Variants in ASCC3 observed in about 807,000 individuals in gnomAD.
ASCC3 encodes activating signal cointegrator 1 complex subunit 3.
ASCC3 carries 158 observed loss-of-function variants against 256.3 expected under a neutral mutation model. The observed-to-expected ratio is 0.62, with a 90% CI of 0.54 to 0.70. The LOEUF (loss-of-function observed/expected upper bound fraction) is 0.70, where lower values mean the gene tolerates loss of function less well. ASCC3 is among the 30% of genes least tolerant of loss of function. The pLI, the probability that ASCC3 is intolerant of heterozygous loss-of-function variation, is 0.00. For missense variants in ASCC3, 2,259 were observed against 2,626.0 expected (o/e 0.86, Z 3.05); for synonymous variants, 948 against 883.4 (o/e 1.07, Z -1.30).
intron 10 of ASCC3, among the ~76,000 whole-genome samples, chr6:100,729,788 TTTC>T (rs1396355632): frequency 6.6e-6 from 1 of 152,210 alleles, no homozygotes; most frequent in African/African-American, 2.4e-5. Context: ...AAAAGTATAC[TTTC>T]TTGTCTTTAT....
chr6:100,801,933 G>A (rs1176684683), intron 5 of ASCC3, among the ~76,000 whole-genome samples: 1 of 148,500 alleles, frequency 6.7e-6, no homozygotes, highest in Non-Finnish European at 1.5e-5. Flanking sequence ...GATTTTAAGC[G>A]TAAAACTGTA....
intron 8 of ASCC3, among the ~76,000 whole-genome samples, chr6:100,784,099 T>C (rs1401254273): frequency 6.6e-6 from 1 of 152,184 alleles, no homozygotes; most frequent in Non-Finnish European, 1.5e-5. Flanking sequence ...CTTATTAATT[T>C]CATTACTTTA....
intron 4 of ASCC3, among the ~76,000 whole-genome samples, chr6:100,825,866 T>C (rs1186339436): frequency 6.6e-6 from 1 of 151,900 alleles, no homozygotes; most frequent in Non-Finnish European, 1.5e-5. Flanking sequence ...CTTCAATCTC[T>C]GATATTCTTT....
At chr6:100,587,937 T>C (rs1361587479) in intron 36 of ASCC3, among the ~76,000 whole-genome samples, 2 of 152,176 alleles carry the variant, frequency 1.3e-5, no homozygotes, top group Non-Finnish European at 2.9e-5. Flanking sequence ...CAGAATGTAG[T>C]AGGCATATGA....
At chr6:100,777,772 A>G (rs1782259792) in intron 8 of ASCC3, among the ~76,000 whole-genome samples, 1 of 152,152 alleles carries the variant, frequency 6.6e-6, no homozygotes, top group Non-Finnish European at 1.5e-5. Context: ...GCTGAGTAAG[A>G]GGTCACACAT....
intron 30 of ASCC3, among the ~76,000 whole-genome samples, chr6:100,613,945 T>C (rs1773534666): frequency 6.6e-6 from 1 of 152,188 alleles, no homozygotes. Context: ...CTTGGCCATT[T>C]GTATGTCTTC....
chr6:100,758,375 C>A (rs1486057485), intron 10 of ASCC3, among the ~76,000 whole-genome samples: 2 of 152,156 alleles, frequency 1.3e-5, no homozygotes, highest in African/African-American at 2.4e-5. Context: ...CCCTCACCCC[C>A]CAAACCCCAA....
Position 100,725,716 on chromosome 6 carries a change from A to G in ASCC3, c.1738-13T>C, listed in dbSNP as rs754181270. ...TGGTCACAAGCATCTATAAGAGAAG[A>G]CACATTTTAAAAGGGGAAAGTTACA... On this transcript the variant is annotated splice_polypyrimidine_tract_variant and intron_variant, in intron 10 of 41. Coordinates refer to ENST00000369162, the MANE Select transcript of ASCC3 (RefSeq NM_006828.4). 24 of 1,611,870 alleles carry G rather than the reference A, an allele frequency of 1.5e-5. No individual in the cohort carries two copies. Among genetic ancestry groups the G allele is most frequent in the Non-Finnish European group, 2.0e-5 (23 of 1,178,572 alleles).
chr6:100,585,265 G>A (rs1443557391), intron 36 of ASCC3, among the ~76,000 whole-genome samples: 2 of 152,158 alleles, frequency 1.3e-5, no homozygotes, highest in East Asian at 3.8e-4. Flanking sequence ...ATTTCTTGGA[G>A]GCTTTGTTCG....
At chr6:100,531,098 C>A in intron 37 of ASCC3, 1 of 1,218,502 alleles carries the variant, frequency 8.2e-7, no homozygotes, top group East Asian at 2.3e-5. Context: ...ACAATAAATA[C>A]AACAGAAAAT....
At chr6:100,685,611 C>G (rs999530495) in intron 13 of ASCC3, among the ~76,000 whole-genome samples, 1 of 152,130 alleles carries the variant, frequency 6.6e-6, no homozygotes, top group Non-Finnish European at 1.5e-5. Context: ...TTAGCTTTTC[C>G]TCTGTGCATT....
At chr6:100,783,026 T>C (rs1329186540) in intron 8 of ASCC3, among the ~76,000 whole-genome samples, 1 of 151,234 alleles carries the variant, frequency 6.6e-6, no homozygotes, top group Non-Finnish European at 1.5e-5. Flanking sequence ...AAAAAAGAAA[T>C]ATGACTGACA....
intron 29 of ASCC3, among the ~76,000 whole-genome samples, chr6:100,626,866 G>C (rs774626697): frequency 2.6e-5 from 4 of 152,078 alleles, no homozygotes; most frequent in Non-Finnish European, 5.9e-5. Context: ...TGGCTGAACA[G>C]CTCACGGCAG....
chr6:100,516,036 A>G, intron 39 of ASCC3, 144 bp downstream of exon 39: 1 of 990,352 alleles, frequency 1.0e-6, no homozygotes, highest in Non-Finnish European at 1.6e-6. Context: ...CTATGTTTTC[A>G]TGTTCATAAT....
intron 36 of ASCC3, among the ~76,000 whole-genome samples, chr6:100,578,608 T>A (rs540663442): frequency 6.6e-6 from 1 of 152,266 alleles, no homozygotes; most frequent in South Asian, 2.1e-4. Context: ...TTCTTTTTTT[T>A]ATGGCTGCAT....
intron 37 of ASCC3, among the ~76,000 whole-genome samples, chr6:100,523,380 T>C (rs901372564): frequency 6.6e-6 from 1 of 152,166 alleles, no homozygotes; most frequent in Non-Finnish European, 1.5e-5. Context: ...CCAGGTGGAC[T>C]GTAATATCCT....
chr6:100,848,331 C>T lies in ASCC3; in HGVS notation c.618G>A (p.Glu206=). ...YKKFLNEHLQ[E]ACTPELKPVE... ...CAGGCTTGAGTTCTGGGGTGCAAGC[C>T]TCCTGGAGATGTTCATTCAGAAACT... The change falls in exon 4 of 42, where the codon GAG becomes GAA. Residue 206 remains glutamate (E), a synonymous_variant. Transcript: ENST00000369162. The T allele has an allele frequency of 6.2e-7, 1 of 1,614,062 alleles. No individual in the cohort carries two copies. The highest frequency in any genetic ancestry group is 8.5e-7 in the Non-Finnish European group (1 of 1,180,014).
chr6:100,653,119 C>T (rs1033340480), intron 17 of ASCC3, among the ~76,000 whole-genome samples: 7 of 152,022 alleles, frequency 4.6e-5, no homozygotes, highest in African/African-American at 1.7e-4. Flanking sequence ...ATATTCTTTT[C>T]AGATACCAAT....
chr6:100,531,983 TG>T (rs1774899754), intron 37 of ASCC3, among the ~76,000 whole-genome samples: 1 of 152,078 alleles, frequency 6.6e-6, no homozygotes, highest in Non-Finnish European at 1.5e-5. Context: ...TTTTTTGTTT[TG>T]TTTTTACTTT....
Sources: gnomAD v4.1 joint callset for allele counts (sites outside exome capture counted in the v4.1 genomes callset) on GRCh38, gnomAD v4.1.1 for gene constraint, MANE v1.5 for transcripts, NCBI Gene and HGNC (gene_info 2026-07-23, HGNC 2026-07-21) for gene names.